Variants in SIN3A observed in about 807,000 individuals in gnomAD.
The protein encoded by SIN3A is paired amphipathic helix protein Sin3a.
Under a neutral mutation model 146.1 loss-of-function variants are expected in SIN3A, and 14 were observed. The ratio of observed to expected loss-of-function variants is 0.10; its 90% confidence interval spans 0.06 to 0.15. The LOEUF is 0.15. Ranked by LOEUF, SIN3A falls within the 10% of genes least tolerant of loss-of-function variation. The pLI is 1.00. For synonymous variants in SIN3A, 572 were observed against 572.0 expected, an observed-to-expected ratio of 1.00 and a Z score of 0.00; for missense variants, 1,028 against 1,576.0, an observed-to-expected ratio of 0.65 and a Z score of 5.89.
At chr15:75,423,697 A>AAT (rs1310773348) in intron 2 of SIN3A, among the ~76,000 whole-genome samples, 1 of 151,824 alleles carries the variant, frequency 6.6e-6, no homozygotes, top group East Asian at 1.9e-4. Flanking sequence ...CAAACAAAAA[A>AAT]ATATATATAT....
At chr15:75,376,211 A>T in intron 19 of SIN3A, 1 of 308,780 alleles carries the variant, frequency 3.2e-6, no homozygotes, top group Non-Finnish European at 6.1e-6. Context: ...AAATAGGATC[A>T]TACTATATAT....
intron 3 of SIN3A, chr15:75,420,803 G>A (rs929055664): frequency 6.6e-6 from 1 of 152,148 alleles, no homozygotes; most frequent in African/African-American, 2.4e-5. Flanking sequence ...ATTACATGGA[G>A]GTACAAGAAG....
rs1483913474 is a variant in SIN3A at position 75,370,699 on chromosome 15, C to A, written c.*1280G>T. 6.6e-6 allele frequency: 1 copy of A among 152,050 alleles called. No individual in the cohort carries two copies. Among genetic ancestry groups the A allele is most frequent in the Admixed American group, 6.6e-5 (1 of 15,266 alleles). The allele number at this position is 152,050 out of a possible 1,614,324, so 9.4% of individuals were successfully genotyped here. On this transcript the variant is annotated 3_prime_UTR_variant, in exon 21 of 21. Coordinates refer to ENST00000394947, the MANE Select transcript of SIN3A (RefSeq NM_001145358.2). ...AAAAAATATATAGAAATACAAACTA[C>A]ATAGCTTGACAACTTACCCAAATAT...
chr15:75,445,085 C>G (rs1047502237), intron 1 of SIN3A, among the ~76,000 whole-genome samples: 1 of 150,346 alleles, frequency 6.7e-6, no homozygotes, highest in African/African-American at 2.4e-5. Context: ...TATAATCTTT[C>G]AAAATATCTA....
At chr15:75,422,451 T>C in intron 3 of SIN3A, 196 bp downstream of exon 3, 1 of 649,636 alleles carries the variant, frequency 1.5e-6, no homozygotes, top group Admixed American at 2.4e-5. Context: ...AACATTTGAG[T>C]ATATTCTTCT....
chr15:75,438,577 T>G (rs1257237907), intron 1 of SIN3A, among the ~76,000 whole-genome samples: 1 of 151,966 alleles, frequency 6.6e-6, no homozygotes, highest in Admixed American at 6.6e-5. Context: ...TAGTCCTTGC[T>G]GCTTAGGAGG....
intron 1 of SIN3A, among the ~76,000 whole-genome samples, chr15:75,449,022 C>G (rs2074355913): frequency 6.6e-6 from 1 of 152,148 alleles, no homozygotes; most frequent in Non-Finnish European, 1.5e-5. Flanking sequence ...TGAAAATGTT[C>G]CTAATACAGC....
At chr15:75,423,406 C>A (rs1469188790) in intron 2 of SIN3A, among the ~76,000 whole-genome samples, 9 of 152,138 alleles carry the variant, frequency 5.9e-5, no homozygotes. Context: ...TAGCCGGGCA[C>A]GGTGGCTCAT....
chr15:75,385,292 A>G lies in SIN3A; in HGVS notation c.3022-855T>C, dbSNP rs565230978. Among the ~76,000 whole-genome samples the G allele has an allele frequency of 2.0e-5, 3 of 152,308 alleles. No individual in the cohort carries two copies. The South Asian group carries it at 6.2e-4, about 32-fold the overall frequency. ...ATTGCCCAGGGGTGCTCAGCTGAAG[A>G]AGGAGGGTTGGGACTAAAAGTCAAG... On this transcript the variant is annotated intron_variant, in intron 16 of 20. Transcript: ENST00000394947.
Position 75,407,086 on chromosome 15 carries a change from C to A in SIN3A, c.1376G>T (p.Gly459Val). 1.9e-6 allele frequency: 3 copies of A among 1,613,046 alleles called. No individual in the cohort carries two copies. The highest frequency in any genetic ancestry group is 1.7e-6 in the Non-Finnish European group (2 of 1,179,468). Residue 459 changes from glycine to valine, a missense_variant, in exon 9 of 21, where the codon GGT becomes GTT. Around this residue, in one of 9 missense-constraint regions of SIN3A, gnomAD observed 62 missense variants for 63.5 expected, o/e 0.98. Transcript: ENST00000394947. ...DSSMADASKH[G>V]GGTESLFFDK... Reference sequence around the variant, plus strand: ...AAAAAATAACGATTCTGTTCCACCACCATGTTTGCTGGCATCTGCCATAGA... The same window carrying A: ...AAAAAATAACGATTCTGTTCCACCAACATGTTTGCTGGCATCTGCCATAGA...
chr15:75,401,827 G>A (rs1185690637), intron 10 of SIN3A, 25 bp downstream of exon 10: 1 of 1,374,026 alleles, frequency 7.3e-7, no homozygotes, highest in South Asian at 1.2e-5. Context: ...TCATGCATCA[G>A]GGCTAAGCCC....
At chr15:75,390,670 G>A (rs970651212) in intron 15 of SIN3A, among the ~76,000 whole-genome samples, 13 of 152,144 alleles carry the variant, frequency 8.5e-5, no homozygotes, top group African/African-American at 1.9e-4. Flanking sequence ...ACATAGGTAC[G>A]TCTAGTCTGT....
intron 3 of SIN3A, chr15:75,422,399 A>T: frequency 1.7e-6 from 1 of 605,800 alleles, no homozygotes; most frequent in South Asian, 2.0e-5. Context: ...TGGCCCCACA[A>T]TCCTGATAAC....
Position 75,380,677 on chromosome 15 carries a change from G to A in SIN3A, c.3335C>T (p.Ser1112Leu), listed in dbSNP as rs914298009. Residue 1112 changes from serine (S) to leucine (L), a missense_variant, in exon 19 of 21, where the codon TCG becomes TTG. Ser to Leu is a moderately radical substitution (Grantham distance 145). This residue lies in a region of SIN3A where 488 missense variants were observed against 690.2 expected (regional missense o/e 0.71). Coordinates refer to ENST00000394947, the MANE Select transcript of SIN3A (RefSeq NM_001145358.2). Reference protein sequence around the residue: ...VERYMNSDTTSPELREHLAQK... With the variant: ...VERYMNSDTTLPELREHLAQK... ...TGCTAGATGTTCACGAAGCTCAGGC[G>A]AGGTAGTATCTGAATTCATGTATCG... The A allele has an allele frequency of 9.3e-6, 15 of 1,613,956 alleles. No individual in the cohort carries two copies. The highest frequency in any genetic ancestry group is 1.3e-5 in the Non-Finnish European group (15 of 1,179,996).
chr15:75,394,643 T>C (rs747057170), intron 14 of SIN3A, 37 bp downstream of exon 14: 2 of 1,535,636 alleles, frequency 1.3e-6, no homozygotes, highest in South Asian at 2.4e-5. Context: ...AAATATAGAC[T>C]AGAGTCCTCT....
chr15:75,441,725 T>G (rs1056333376), intron 1 of SIN3A, among the ~76,000 whole-genome samples: 17 of 152,102 alleles, frequency 1.1e-4, no homozygotes, highest in African/African-American at 3.6e-4. Context: ...TCAAATGAAA[T>G]ACTTTGAAAA....
At chr15:75,400,275 A>C (rs1595899850) in intron 11 of SIN3A, 119 bp from the exon 12 acceptor site, 1 of 621,892 alleles carries the variant, frequency 1.6e-6, no homozygotes, top group East Asian at 2.6e-5. Flanking sequence ...TTACTTCACA[A>C]ATTTCACCTT....
At chr15:75,434,605 G>A (rs897736358) in intron 1 of SIN3A, among the ~76,000 whole-genome samples, 7 of 150,784 alleles carry the variant, frequency 4.6e-5, no homozygotes, top group African/African-American at 9.8e-5. Context: ...AGCCGAAATC[G>A]CGCCACTGCA....
intron 1 of SIN3A, among the ~76,000 whole-genome samples, chr15:75,440,458 C>T (rs2074187910): frequency 6.6e-6 from 1 of 152,038 alleles, no homozygotes; most frequent in South Asian, 2.1e-4. Context: ...TCTCAAACTC[C>T]TGACCTCAAG....
Sources: allele counts gnomAD v4.1 joint callset (sites outside exome capture counted in the v4.1 genomes callset), GRCh38; gene constraint gnomAD v4.1.1; regional missense constraint gnomAD v4.1.1; transcripts MANE v1.5; gene names NCBI Gene and HGNC (gene_info 2026-07-23, HGNC 2026-07-21).